The following SHISA9 variants were observed in gnomAD, a reference collection of about 807,000 sequenced individuals.
SHISA9 encodes protein shisa-9.
A neutral mutation model predicts 38.0 loss-of-function variants in SHISA9; 13 were observed. The observed-to-expected ratio is 0.34, with a 90% confidence interval of 0.22 to 0.54. The LOEUF (loss-of-function observed/expected upper bound fraction) is 0.54. SHISA9 is among the 20% of genes least tolerant of loss of function. The pLI is 0.91. For missense variants in SHISA9, 538 were observed against 575.8 expected, an observed-to-expected ratio of 0.93 and a Z score of 0.67; for synonymous variants, 275 against 242.0, an observed-to-expected ratio of 1.14 and a Z score of -1.27.
At chr16:12,946,698 A>G (rs1361709085) in intron 2 of SHISA9, among the ~76,000 whole-genome samples, 1 of 152,184 alleles carries the variant, frequency 6.6e-6, no homozygotes, top group African/African-American at 2.4e-5. Flanking sequence ...GGGGCCGAGT[A>G]ATTTCCTAGA....
intron 4 of SHISA9, among the ~76,000 whole-genome samples, chr16:13,226,735 G>T (rs2051283260): frequency 6.6e-6 from 1 of 152,180 alleles, no homozygotes; most frequent in Admixed American, 6.5e-5. Context: ...GTGGCTGATG[G>T]TCTAAGATGG....
chr16:13,195,388 T>A (rs2050927728), intron 2 of SHISA9, among the ~76,000 whole-genome samples: 1 of 152,170 alleles, frequency 6.6e-6, no homozygotes, highest in African/African-American at 2.4e-5. Context: ...ACCCAAGGTA[T>A]AAAATACATA....
At chr16:13,394,985 G>A in the SHISA9 span, among the ~76,000 whole-genome samples, 4 of 151,864 alleles carry the variant, frequency 2.6e-5, no homozygotes, top group South Asian at 8.3e-4. Flanking sequence ...TTGTGTGTGT[G>A]CATGTGTAGG....
At chr16:13,156,196 G>C (rs2050545157) in intron 2 of SHISA9, among the ~76,000 whole-genome samples, 1 of 152,202 alleles carries the variant, frequency 6.6e-6, no homozygotes, top group Non-Finnish European at 1.5e-5. Flanking sequence ...GTCTGAGCCG[G>C]TGCTTACCTA....
At chr16:13,250,556 GA>G in the SHISA9 span, among the ~76,000 whole-genome samples, 1 of 151,918 alleles carries the variant, frequency 6.6e-6, no homozygotes, top group Admixed American at 6.6e-5. Context: ...ATTTTTTTAG[GA>G]CTCCTCTGAC....
intron 2 of SHISA9, among the ~76,000 whole-genome samples, chr16:13,029,551 T>A (rs2072966087): frequency 1.3e-5 from 2 of 152,188 alleles, no homozygotes; most frequent in Admixed American, 1.3e-4. Flanking sequence ...AAAGCTGCAG[T>A]GAGCCGAGAT....
chr16:13,468,077 T>C, the SHISA9 span, among the ~76,000 whole-genome samples: 2 of 151,914 alleles, frequency 1.3e-5, no homozygotes, highest in African/African-American at 4.8e-5. Context: ...CCTGTTCTTC[T>C]GTCAGATTTT....
chr16:13,549,327 A>G, the SHISA9 span, among the ~76,000 whole-genome samples: 5 of 152,336 alleles, frequency 3.3e-5, no homozygotes, highest in East Asian at 7.7e-4. Flanking sequence ...ACAATATTTT[A>G]TATAAGAAAT....
chr16:13,157,903 C>T (rs1297958117), intron 2 of SHISA9, among the ~76,000 whole-genome samples: 1 of 152,206 alleles, frequency 6.6e-6, no homozygotes, highest in Non-Finnish European at 1.5e-5. Context: ...GAAGCCTCAG[C>T]TCCATTTGTT....
the SHISA9 span, among the ~76,000 whole-genome samples, chr16:13,262,662 A>AAGGGAGGGAGGGAGGGAGGGAGGG: frequency 5.3e-4 from 28 of 52,446 alleles, 4 homozygotes; most frequent in South Asian, 2.8e-3. Context: ...GGAAGGAAGG[A>AAGGGAGGGAGGGAGGGAGGGAGGG]AGGAAGGAAG....
intron 2 of SHISA9, among the ~76,000 whole-genome samples, chr16:13,179,284 C>G (rs1380496198): frequency 6.6e-6 from 1 of 152,120 alleles, no homozygotes; most frequent in Non-Finnish European, 1.5e-5. Flanking sequence ...TGCACCCCAG[C>G]CCAGGTGACA....
At chr16:12,905,195 G>A (rs762780358) in intron 1 of SHISA9, among the ~76,000 whole-genome samples, 1 of 152,176 alleles carries the variant, frequency 6.6e-6, no homozygotes, top group Non-Finnish European at 1.5e-5. Context: ...TATGAGACAG[G>A]TACTATTTTA....
chr16:13,059,150 CAG>C (rs1240222887), intron 2 of SHISA9, among the ~76,000 whole-genome samples: 1 of 106,024 alleles, frequency 9.4e-6, no homozygotes, highest in Non-Finnish European at 1.7e-5. Flanking sequence ...TTTTTTGAGA[CAG>C]AGTCTCACTC....
At chr16:13,544,376 G>T in the SHISA9 span, among the ~76,000 whole-genome samples, 1 of 146,940 alleles carries the variant, frequency 6.8e-6, no homozygotes, top group African/African-American at 2.5e-5. Context: ...AGACTCCAAA[G>T]CTCTTGCTCT....
chr16:12,906,494 C>T lies in SHISA9; in HGVS notation c.563+3867C>T, dbSNP rs114477156. ...GGCTCGCATGGGATCTCGTAAGAACCGAACAAATGCCCATTGAGCAGCTGC... is the reference window on the plus strand; with the variant it reads ...GGCTCGCATGGGATCTCGTAAGAACTGAACAAATGCCCATTGAGCAGCTGC... On this transcript the variant is annotated intron_variant, in intron 1 of 4. Transcript: ENST00000558583. Among the ~76,000 whole-genome samples the T allele has an allele frequency of 3.1e-3, 471 of 152,110 alleles. 3 individuals carry two copies. The highest frequency in any genetic ancestry group is 9.7e-3 in the African/African-American group (402 of 41,504).
intron 2 of SHISA9, among the ~76,000 whole-genome samples, chr16:13,181,442 T>C (rs2050778871): frequency 6.6e-6 from 1 of 151,106 alleles, no homozygotes; most frequent in Admixed American, 6.6e-5. Context: ...AATCACATAT[T>C]TGAAGGTTTA....
chr16:13,054,315 C>T (rs1449492630), intron 2 of SHISA9, among the ~76,000 whole-genome samples: 1 of 152,164 alleles, frequency 6.6e-6, no homozygotes, highest in Non-Finnish European at 1.5e-5. Context: ...AAACCTGTGG[C>T]TCCCACGGTC....
chr16:13,219,711 C>G (rs998419262), intron 4 of SHISA9, among the ~76,000 whole-genome samples: 1 of 152,128 alleles, frequency 6.6e-6, no homozygotes, highest in Non-Finnish European at 1.5e-5. Context: ...AGGAGAGAGG[C>G]TTTGGGAGGC....
At chr16:13,381,467 G>C in the SHISA9 span, among the ~76,000 whole-genome samples, 1 of 152,180 alleles carries the variant, frequency 6.6e-6, no homozygotes, top group Non-Finnish European at 1.5e-5. Flanking sequence ...ACTAAGAAAA[G>C]ATAGTCAAAA....
Sources: gnomAD v4.1 joint callset for allele counts (sites outside exome capture counted in the v4.1 genomes callset) on GRCh38, gnomAD v4.1.1 for gene constraint, MANE v1.5 for transcripts, NCBI Gene and HGNC (gene_info 2026-07-23, HGNC 2026-07-21) for gene names.